TPRG1: variants seen among roughly 807,000 people sequenced by gnomAD.
The protein encoded by TPRG1 is tumor protein p63 regulated 1.
A neutral mutation model predicts 29.3 loss-of-function variants in TPRG1; 29 were observed. That is an observed-to-expected ratio of 0.99 (90% CI 0.74 to 1.35). The LOEUF (loss-of-function observed/expected upper bound fraction) is 1.35, where lower values mean the gene tolerates loss of function less well. Among genes scored for constraint, TPRG1 ranks in the 40% most tolerant of loss-of-function variants. The pLI is 0.00. For missense variants in TPRG1, 327 were observed against 335.0 expected, an observed-to-expected ratio of 0.98 and a Z score of 0.19; for synonymous variants, 130 against 116.8, an observed-to-expected ratio of 1.11 and a Z score of -0.73.
At chr3:189,311,283 C>T (rs1263515845) in intron 5 of TPRG1, among the ~76,000 whole-genome samples, 1 of 152,118 alleles carries the variant, frequency 6.6e-6, no homozygotes, top group African/African-American at 2.4e-5. Context: ...CGCTTATAGA[C>T]CTAGAAATTC....
intron 1 of TPRG1, among the ~76,000 whole-genome samples, chr3:189,172,732 C>T (rs751814214): frequency 9.2e-5 from 14 of 152,076 alleles, no homozygotes; most frequent in Non-Finnish European, 1.3e-4. Context: ...AGAGAACAAA[C>T]GAGGGCATGT....
chr3:189,282,285 T>A (rs1717292055), intron 4 of TPRG1, among the ~76,000 whole-genome samples: 1 of 148,888 alleles, frequency 6.7e-6, no homozygotes, highest in African/African-American at 2.5e-5. Flanking sequence ...CATGGTGTTA[T>A]TTTGGGCAGT....
chr3:189,226,702 C>CAAA (rs80133038), intron 3 of TPRG1, among the ~76,000 whole-genome samples: 6 of 139,354 alleles, frequency 4.3e-5, no homozygotes, highest in African/African-American at 7.8e-5. Context: ...AAAAATTAAA[C>CAAA]AAAAAAAACC....
At chr3:189,109,410 G>A (rs1052818154) in intron 1 of TPRG1, among the ~76,000 whole-genome samples, 2 of 152,194 alleles carry the variant, frequency 1.3e-5, no homozygotes, top group African/African-American at 4.8e-5. Context: ...TGGGACAAGG[G>A]ATGCAGCAAC....
chr3:189,205,810 T>C (rs2108797963), intron 1 of TPRG1, among the ~76,000 whole-genome samples: 1 of 152,340 alleles, frequency 6.6e-6, no homozygotes, highest in South Asian at 2.1e-4. Context: ...AACCAAGATA[T>C]TATTTTTATT....
chr3:189,086,532 T>G (rs1200626053), intron 4 of TPRG1, among the ~76,000 whole-genome samples: 3 of 151,076 alleles, frequency 2.0e-5, no homozygotes, highest in African/African-American at 7.3e-5. Flanking sequence ...GCTAATTTTT[T>G]TTTTTTTTTT....
chr3:189,311,208 G>C (rs1430362035), intron 5 of TPRG1, among the ~76,000 whole-genome samples: 2 of 152,140 alleles, frequency 1.3e-5, no homozygotes, highest in African/African-American at 2.4e-5. Context: ...AAAACAGCTG[G>C]AGCTGAAAAT....
intron 5 of TPRG1, among the ~76,000 whole-genome samples, chr3:189,163,562 A>C (rs1727759437): frequency 6.6e-6 from 1 of 152,212 alleles, no homozygotes. Flanking sequence ...CCTAACATTC[A>C]TAGGAGATAA....
intron 4 of TPRG1, among the ~76,000 whole-genome samples, chr3:189,034,572 T>C (rs887427493): frequency 1.3e-5 from 2 of 151,948 alleles, no homozygotes; most frequent in African/African-American, 4.8e-5. Context: ...TAAAGGCAAA[T>C]GAATAGCTGA....
intron 4 of TPRG1, among the ~76,000 whole-genome samples, chr3:189,080,972 G>T (rs939946948): frequency 6.6e-6 from 1 of 152,010 alleles, no homozygotes; most frequent in Non-Finnish European, 1.5e-5. Context: ...GTTACACGTG[G>T]GCCAGCTAGA....
intron 4 of TPRG1, among the ~76,000 whole-genome samples, chr3:189,306,888 A>C (rs144922184): frequency 6.3e-4 from 96 of 152,348 alleles, no homozygotes; most frequent in African/African-American, 2.2e-3. Flanking sequence ...AGCTAGTGAA[A>C]GTCATGATTT....
At chr3:189,227,786 C>T (rs1338871868) in intron 3 of TPRG1, among the ~76,000 whole-genome samples, 1 of 152,132 alleles carries the variant, frequency 6.6e-6, no homozygotes. Context: ...GCCAGAGTGC[C>T]AGAGAGACCC....
chr3:189,211,932 G>A (rs1043898389), intron 2 of TPRG1: 7 of 151,852 alleles, frequency 4.6e-5, no homozygotes, highest in African/African-American at 9.7e-5. Flanking sequence ...TTGCTTAGAC[G>A]TATCTAAAAA....
intron 4 of TPRG1, among the ~76,000 whole-genome samples, chr3:189,254,617 G>A (rs1261361353): frequency 1.3e-5 from 2 of 152,100 alleles, no homozygotes; most frequent in Non-Finnish European, 2.9e-5. Context: ...TGGGCAGTAC[G>A]GCCATTTTCA....
At chr3:189,154,866 A>G (rs1726453159) in intron 5 of TPRG1, among the ~76,000 whole-genome samples, 1 of 152,166 alleles carries the variant, frequency 6.6e-6, no homozygotes, top group African/African-American at 2.4e-5. Context: ...ATAAATCAGG[A>G]AAGGTGAGTG....
Position 189,215,334 on chromosome 3 carries a change from G to A in TPRG1, c.253G>A (p.Val85Ile), listed in dbSNP as rs370291238. 3.7e-5 allele frequency: 60 copies of A among 1,611,760 alleles called. No homozygotes were observed. Among genetic ancestry groups the A allele is most frequent in the Middle Eastern group, 1.6e-4 (1 of 6,078 alleles). The change falls in exon 3 of 6, where the codon GTA (valine) becomes ATA (isoleucine). Residue 85 changes from valine to isoleucine, a missense_variant. Val to Ile is a conservative substitution (Grantham distance 29, BLOSUM62 3). Transcript: ENST00000345063. The stretch of plus-strand genomic sequence containing the variant: ...TGCCATGGAAGACTTGAAAGGTCAC[G>A]TAGCTGAGACTTCTGGAGAGACCAT... ...ETAMEDLKGH[V>I]AETSGETIQG...
chr3:189,313,423 A>C (rs886400507), intron 5 of TPRG1, among the ~76,000 whole-genome samples: 1 of 152,184 alleles, frequency 6.6e-6, no homozygotes, highest in Admixed American at 6.5e-5. Context: ...CTCTCTGATG[A>C]ATGAAATAGG....
At chr3:189,188,871 C>A (rs1731303154) in intron 1 of TPRG1, among the ~76,000 whole-genome samples, 1 of 152,154 alleles carries the variant, frequency 6.6e-6, no homozygotes, top group African/African-American at 2.4e-5. Context: ...TGACCAATAA[C>A]CCAGTTATCT....
chr3:188,997,465 G>C (rs1346300212), intron 1 of TPRG1, among the ~76,000 whole-genome samples: 1 of 152,084 alleles, frequency 6.6e-6, no homozygotes, highest in East Asian at 1.9e-4. Flanking sequence ...GAAAGCTATA[G>C]GAAAATGTTT....
Sources: gnomAD v4.1 joint callset for allele counts (sites outside exome capture counted in the v4.1 genomes callset) on GRCh38, gnomAD v4.1.1 for gene constraint, MANE v1.5 for transcripts, NCBI Gene and HGNC (gene_info 2026-07-23, HGNC 2026-07-21) for gene names.